NUP210L: variants seen among roughly 807,000 people sequenced by gnomAD.
The protein encoded by NUP210L is nucleoporin 210 like.
NUP210L carries 74 observed loss-of-function variants against 208.5 expected under a neutral mutation model. The observed-to-expected ratio is 0.35, with a 90% confidence interval of 0.29 to 0.43. NUP210L has a LOEUF of 0.43. Among genes scored for constraint, NUP210L ranks in the 20% least tolerant of loss-of-function variants. The pLI is 1.00. For synonymous variants in NUP210L, 780 were observed against 816.9 expected, an observed-to-expected ratio of 0.95 and a Z score of 0.77; for missense variants, 1,843 against 2,289.4, an observed-to-expected ratio of 0.81 and a Z score of 3.98.
exon 23 of NUP210L, chr1:154,056,890 A>T (rs1375359460): frequency 6.2e-7 from 1 of 1,609,414 alleles, no homozygotes. Context: ...TGGTTTGCCC[A>T]ATAGTGGTAG....
At chr1:154,149,810 G>A (rs558303906) in intron 2 of NUP210L, among the ~76,000 whole-genome samples, 1 of 152,224 alleles carries the variant, frequency 6.6e-6, no homozygotes, top group Non-Finnish European at 1.5e-5. Flanking sequence ...CTTTTAAAGT[G>A]AAGAGAATAC....
chr1:154,000,777 T>C, intron 37 of NUP210L, 79 bp downstream of exon 37: 2 of 1,257,072 alleles, frequency 1.6e-6, no homozygotes, highest in Non-Finnish European at 2.3e-6. Flanking sequence ...AAAGCAAAAC[T>C]GCAGATGGGG....
chr1:153,995,155 G>C, exon 38 of NUP210L: 2 of 1,613,880 alleles, frequency 1.2e-6, no homozygotes. Flanking sequence ...TGAACCGCTT[G>C]AGGATGGCGG....
intron 10 of NUP210L, among the ~76,000 whole-genome samples, chr1:154,119,633 A>C (rs1037853496): frequency 6.6e-6 from 1 of 151,766 alleles, no homozygotes; most frequent in African/African-American, 2.4e-5. Context: ...TAAATAAATA[A>C]TAAGGTTCTA....
chr1:154,125,210 G>C (rs1657823897), intron 10 of NUP210L, among the ~76,000 whole-genome samples: 1 of 152,072 alleles, frequency 6.6e-6, no homozygotes, highest in South Asian at 2.1e-4. Context: ...AGCACTTTGG[G>C]AGGGTGAGGC....
intron 30 of NUP210L, among the ~76,000 whole-genome samples, chr1:154,025,021 G>A (rs976201114): frequency 1.7e-4 from 24 of 139,046 alleles, no homozygotes; most frequent in Non-Finnish European, 3.1e-4. Context: ...TCCGCCCCCC[G>A]GGGTTCACGG....
At chr1:154,052,502 T>C (rs543116153) in intron 25 of NUP210L, among the ~76,000 whole-genome samples, 35 of 152,160 alleles carry the variant, frequency 2.3e-4, no homozygotes, top group Non-Finnish European at 3.5e-4. Flanking sequence ...CCAGTCACAA[T>C]GAGTAATTTA....
chr1:154,003,572 AACTC>A (rs1343571657), intron 35 of NUP210L, among the ~76,000 whole-genome samples: 1 of 151,986 alleles, frequency 6.6e-6, no homozygotes, highest in Non-Finnish European at 1.5e-5. Flanking sequence ...GCACAATCAC[AACTC>A]ACTGAAACCT....
intron 16 of NUP210L, among the ~76,000 whole-genome samples, chr1:154,073,117 GAACAGACAATTCTCAA>G (rs1654842388): frequency 6.6e-6 from 1 of 152,094 alleles, no homozygotes; most frequent in Non-Finnish European, 1.5e-5. Context: ...CTAAGGATGT[GAACAGACAATTCTCAA>G]AAGAAAATAT....
At chr1:154,004,012 C>CT (rs1450324035) in intron 35 of NUP210L, among the ~76,000 whole-genome samples, 1 of 151,690 alleles carries the variant, frequency 6.6e-6, no homozygotes, top group Non-Finnish European at 1.5e-5. Flanking sequence ...TTAGTCTGGT[C>CT]TAGACCCTTA....
intron 38 of NUP210L, 124 bp downstream of exon 38, chr1:153,994,952 C>A: frequency 1.7e-6 from 1 of 573,580 alleles, no homozygotes. Flanking sequence ...GCAGAGGTTG[C>A]TGTAAGCCAA....
exon 37 of NUP210L, chr1:154,000,905 A>T: frequency 6.2e-7 from 1 of 1,614,138 alleles, no homozygotes; most frequent in East Asian, 2.2e-5. Context: ...CCTCACTTTG[A>T]CTGGTGAGTA....
intron 38 of NUP210L, among the ~76,000 whole-genome samples, chr1:153,993,992 C>G (rs1347217505): frequency 1.3e-5 from 2 of 152,134 alleles, no homozygotes; most frequent in African/African-American, 4.8e-5. Flanking sequence ...GAAATCCTGC[C>G]TCAGCTTCCC....
At chr1:154,114,707 G>A (rs940418977) in intron 12 of NUP210L, among the ~76,000 whole-genome samples, 3 of 150,420 alleles carry the variant, frequency 2.0e-5, no homozygotes, top group Non-Finnish European at 4.4e-5. Context: ...GGCCTCAAGC[G>A]ACCCTCCTGC....
intron 7 of NUP210L, among the ~76,000 whole-genome samples, chr1:154,129,598 T>C (rs1475201022): frequency 2.6e-5 from 4 of 152,250 alleles, no homozygotes. Context: ...AAAAAGATCA[T>C]GCTTTGTGCT....
At chr1:154,064,413 C>T (rs1042295221) in intron 17 of NUP210L, among the ~76,000 whole-genome samples, 3 of 152,104 alleles carry the variant, frequency 2.0e-5, no homozygotes, top group Non-Finnish European at 2.9e-5. Context: ...ATCTATGCCT[C>T]GTGCCTCTCT....
chr1:154,152,821 G>A (rs1369662525), exon 2 of NUP210L: 1 of 1,613,740 alleles, frequency 6.2e-7, no homozygotes, highest in Non-Finnish European at 8.5e-7. Flanking sequence ...AACACAAGGT[G>A]CCATTTTCAT....
intron 7 of NUP210L, among the ~76,000 whole-genome samples, chr1:154,133,552 A>C (rs1658363109): frequency 6.6e-6 from 1 of 150,390 alleles, no homozygotes; most frequent in African/African-American, 2.5e-5. Flanking sequence ...AAAAAAAAAA[A>C]AATCTGGCTG....
At chr1:154,055,122 CTTTTCTTT>C in intron 23 of NUP210L, among the ~76,000 whole-genome samples, 1 of 118,610 alleles carries the variant, frequency 8.4e-6, no homozygotes, top group Admixed American at 9.1e-5. Context: ...CTCTTTCTTT[CTTTTCTTT>C]CTTTCTTTCT....
Sources: allele counts gnomAD v4.1 joint callset (sites outside exome capture counted in the v4.1 genomes callset), GRCh38; gene constraint gnomAD v4.1.1; transcripts MANE v1.5; gene names NCBI Gene and HGNC (gene_info 2026-07-23, HGNC 2026-07-21).